MROH1: variants seen among roughly 807,000 people sequenced by gnomAD.
MROH1 encodes maestro heat like repeat family member 1, also known as maestro heat-like repeat-containing protein family member 1.
A neutral mutation model predicts 116.5 loss-of-function variants in MROH1; 117 were observed. The ratio of observed to expected loss-of-function variants is 1.00; its 90% CI spans 0.86 to 1.17. The LOEUF (loss-of-function observed/expected upper bound fraction) is 1.17, where lower values mean the gene tolerates loss of function less well. Ranked by LOEUF, MROH1 falls within the 50% of genes most tolerant of loss-of-function variation. The pLI, the probability that MROH1 is intolerant of heterozygous loss-of-function variation, is 0.00. For missense variants in MROH1, 1,873 were observed against 1,338.5 expected, an observed-to-expected ratio of 1.40 and a Z score of -6.23; for synonymous variants, 921 against 583.9, an observed-to-expected ratio of 1.58 and a Z score of -8.32.
intron 4 of MROH1, among the ~76,000 whole-genome samples, chr8:144,173,714 C>G (rs977926435): frequency 1.3e-5 from 2 of 152,150 alleles, no homozygotes; most frequent in Admixed American, 1.3e-4. Flanking sequence ...TGAGCCACTC[C>G]GCCCAGCCAT....
intron 12 of MROH1, among the ~76,000 whole-genome samples, chr8:144,204,987 A>G (rs1332576002): frequency 6.6e-6 from 1 of 152,154 alleles, no homozygotes; most frequent in African/African-American, 2.4e-5. Context: ...CCCACACCTT[A>G]TGTCTCACAA....
intron 7 of MROH1, among the ~76,000 whole-genome samples, chr8:144,181,297 G>GGTGATGGGGGAGGGGCCC (rs1295619145): frequency 6.6e-6 from 1 of 151,326 alleles, no homozygotes; most frequent in African/African-American, 2.4e-5. Context: ...GGAGGGGCCC[G>GGTGATGGGGGAGGGGCCC]GTGATGGGGG....
chr8:144,159,718 C>G (rs1482799214), intron 1 of MROH1, among the ~76,000 whole-genome samples: 2 of 151,140 alleles, frequency 1.3e-5, no homozygotes, highest in Non-Finnish European at 2.9e-5. Context: ...TTGGTTGGTT[C>G]ATCCTCACAA....
chr8:144,167,741 A>G (rs1821309395), intron 3 of MROH1, among the ~76,000 whole-genome samples: 1 of 152,166 alleles, frequency 6.6e-6, no homozygotes, highest in Admixed American at 6.5e-5. Context: ...ACTGAGAGCC[A>G]TAGGATGAGG....
intron 13 of MROH1, 36 bp downstream of exon 13, chr8:144,220,709 C>T: frequency 6.5e-7 from 1 of 1,536,120 alleles, no homozygotes; most frequent in Non-Finnish European, 8.8e-7. Context: ...TGCACCACCA[C>T]ACCACAGGCA....
Position 144,163,949 on chromosome 8 carries a change from G to GTT in MROH1, c.22+103_22+104dup. The GTT allele has an allele frequency of 7.7e-7, 1 of 1,305,058 alleles. No homozygotes were observed. Among genetic ancestry groups the GTT allele is most frequent in the Admixed American group, 2.0e-5 (1 of 51,216 alleles). 80.8% of individuals were successfully genotyped at this position (1,305,058 alleles called of 1,614,324 possible). ...CTTACCAGCTCCAATGGTGCCTAGA[G>GTT]TTTCCACCCTATACTCGGGAGCCTG... is the stretch of plus-strand genomic sequence containing the variant. On this transcript the variant is annotated intron_variant, in intron 3 of 43. Coordinates refer to ENST00000326134, the MANE Select transcript of MROH1 (RefSeq NM_032450.3). This position sits in a 1 kb window ranked among gnomAD's most constrained non-coding sequence, Gnocchi z 4.4.
At position 144,199,135 on chromosome 8, in the gene MROH1, TG is replaced by T. The variant is rs1345372627; in HGVS notation, c.964del (p.Glu322SerfsTer7). On this transcript the variant is annotated frameshift_variant, in exon 11 of 44. Coordinates refer to ENST00000326134, the MANE Select transcript of MROH1 (RefSeq NM_032450.3). LOFTEE classifies it high-confidence loss of function. ...AALHSQICVP[V>X]ESSSPLVMSN... The stretch of plus-strand genomic sequence containing the variant: ...TTCCTGGAGCAGATCTGTGTGCCTG[TG>T]GAGTCCTCAAGCCCCCTGGTGATGA... 1 of 1,613,776 alleles carries T rather than the reference TG, an allele frequency of 6.2e-7. No homozygotes were observed. The highest frequency in any genetic ancestry group is 8.5e-7 in the Non-Finnish European group (1 of 1,179,808).
chr8:144,196,743 T>C (rs1173453860), intron 10 of MROH1, among the ~76,000 whole-genome samples: 1 of 152,178 alleles, frequency 6.6e-6, no homozygotes, highest in Admixed American at 6.6e-5. Flanking sequence ...AGATGAATAC[T>C]CATTTGCATT....
At chr8:144,185,014 C>A (rs150747888) in intron 7 of MROH1, among the ~76,000 whole-genome samples, 2 of 152,302 alleles carry the variant, frequency 1.3e-5, no homozygotes, top group East Asian at 1.9e-4. Context: ...GGGATCCCCG[C>A]GCCAGCAAGA....
intron 37 of MROH1, 110 bp from the exon 38 acceptor site, chr8:144,259,799 CCT>C (rs1844652611): frequency 1.1e-5 from 8 of 700,442 alleles, no homozygotes; most frequent in Admixed American, 2.0e-5. Flanking sequence ...AGGTGCTCCA[CCT>C]CTGTCTGCCA....
intron 12 of MROH1, among the ~76,000 whole-genome samples, chr8:144,206,004 T>C (rs1485857888): frequency 6.6e-6 from 1 of 152,212 alleles, no homozygotes; most frequent in Non-Finnish European, 1.5e-5. Flanking sequence ...AAAGTTTTGC[T>C]TGTATTTATT....
intron 35 of MROH1, 37 bp downstream of exon 35, chr8:144,255,742 T>C (rs1843615937): frequency 8.3e-6 from 6 of 725,044 alleles, no homozygotes; most frequent in African/African-American, 3.5e-5. Context: ...CAGTACTGAT[T>C]CGGAAGCACA....
chr8:144,175,233 C>A, intron 4 of MROH1: 1 of 890,136 alleles, frequency 1.1e-6, no homozygotes, highest in Non-Finnish European at 1.3e-6. Flanking sequence ...AGCTGCCCCT[C>A]CCAGCAGCGG....
At chr8:144,208,544 G>A (rs140691865) in intron 12 of MROH1, among the ~76,000 whole-genome samples, 1,799 of 151,964 alleles carry the variant, frequency 0.012, 19 homozygotes, top group Non-Finnish European at 0.017. Flanking sequence ...ACTCCAGTGT[G>A]ACCCCCTCTC....
rs1342822560 is a variant in MROH1 at position 144,211,713 on chromosome 8, T to G, written c.1142-8887T>G. ...TGCACTCCAGCCTGTGCGACAAGAG[T>G]GAAATTCCATCTCAAAAAAAAAAAA... On this transcript the variant is annotated intron_variant, in intron 12 of 43. Coordinates refer to ENST00000326134, the MANE Select transcript of MROH1 (RefSeq NM_032450.3). Among the ~76,000 whole-genome samples, 6 of 147,062 alleles carry G rather than the reference T, an allele frequency of 4.1e-5. No individual in the cohort carries two copies. The East Asian group carries it at 1.0e-3, about 25-fold the overall frequency.
intron 1 of MROH1, among the ~76,000 whole-genome samples, chr8:144,150,435 G>A (rs1215263078): frequency 3.9e-5 from 6 of 152,108 alleles, no homozygotes; most frequent in East Asian, 3.8e-4. Context: ...GTACTAGTAC[G>A]AGGGCATCTG....
At chr8:144,259,194 T>G (rs1844496548) in intron 36 of MROH1, 46 bp from the exon 37 acceptor site, 5 of 706,594 alleles carry the variant, frequency 7.1e-6, no homozygotes, top group Non-Finnish European at 1.3e-5. Context: ...TGGGTAGGGT[T>G]CAGCACAGCA....
At chr8:144,256,027 G>A (rs1843694461) in intron 35 of MROH1, among the ~76,000 whole-genome samples, 1 of 152,222 alleles carries the variant, frequency 6.6e-6, no homozygotes, top group African/African-American at 2.4e-5. Context: ...TCCTGGGAGT[G>A]GAGTTGTGTG....
chr8:144,182,152 G>A lies in MROH1; in HGVS notation c.562+1629G>A, dbSNP rs1441857929. Among the ~76,000 whole-genome samples, 1 of 150,270 alleles carries A rather than the reference G, an allele frequency of 6.7e-6. No homozygotes were observed. The highest frequency in any genetic ancestry group is 2.5e-5 in the African/African-American group (1 of 39,570). ...GGCCAGAGGAAGCCGTATCAACCGG[G>A]TGAGGCCTAGTGGTGGGGGCGGTGG... On this transcript the variant is annotated intron_variant, in intron 7 of 43. Transcript: ENST00000326134. The surrounding 1 kb of genome is among the most constrained non-coding windows in gnomAD (Gnocchi z 4.1).
Sources: gnomAD v4.1 joint callset for allele counts (sites outside exome capture counted in the v4.1 genomes callset) on GRCh38, gnomAD v4.1.1 for gene constraint, Gnocchi (gnomAD v3.1) non-coding constraint, MANE v1.5 for transcripts, NCBI Gene and HGNC (gene_info 2026-07-23, HGNC 2026-07-21) for gene names.